The following PRICKLE2 variants were observed in gnomAD, a reference collection of about 807,000 sequenced individuals.
The protein encoded by PRICKLE2 is prickle-like protein 2.
A neutral mutation model predicts 81.4 loss-of-function variants in PRICKLE2; 21 were observed. The ratio of observed to expected loss-of-function variants is 0.26; its 90% confidence interval spans 0.18 to 0.37. The LOEUF (loss-of-function observed/expected upper bound fraction) is 0.37, where lower values mean the gene tolerates loss of function less well. Among genes scored for constraint, PRICKLE2 ranks in the 10% least tolerant of loss-of-function variants. The pLI is 1.00. For synonymous variants in PRICKLE2, 456 were observed against 421.5 expected (o/e 1.08, Z -1.00); for missense variants, 940 against 1,109.0 (o/e 0.85, Z 2.16).
intron 2 of PRICKLE2, among the ~76,000 whole-genome samples, chr3:64,166,001 TG>T (rs1559552041): frequency 6.4e-4 from 65 of 101,404 alleles, no homozygotes; most frequent in African/African-American, 9.8e-4. Flanking sequence ...TGTGTGTGTG[TG>T]TGTGTGTGTG....
At position 64,180,541 on chromosome 3, in the gene PRICKLE2, A is replaced by ATT. The variant is rs4018890; in HGVS notation, c.145-17414_145-17413dup. On this transcript the variant is annotated intron_variant, in intron 2 of 7. Coordinates refer to ENST00000638394, the MANE Select transcript of PRICKLE2 (RefSeq NM_198859.4). ...CTACAAATTTGACAATTTGAGAATGATTTTTTTTTTTAATAAAGTCTCACT... is the reference window on the plus strand; with the variant it reads ...CTACAAATTTGACAATTTGAGAATGATTTTTTTTTTTTTAATAAAGTCTCACT... 6.4e-3 allele frequency among the ~76,000 whole-genome samples: 964 copies of ATT among 149,536 alleles called. 8 individuals are homozygous for ATT. The highest frequency in any genetic ancestry group is 0.012 in the African/African-American group (487 of 40,762).
intron 2 of PRICKLE2, among the ~76,000 whole-genome samples, chr3:64,191,921 C>A (rs923309391): frequency 2.0e-5 from 3 of 152,158 alleles, no homozygotes; most frequent in Non-Finnish European, 2.9e-5. Context: ...TTCTGCCAGA[C>A]CCACTGCTCC....
chr3:64,233,482 A>C (rs2079135345), intron 2 of PRICKLE2, among the ~76,000 whole-genome samples: 1 of 152,182 alleles, frequency 6.6e-6, no homozygotes, highest in East Asian at 1.9e-4. Flanking sequence ...CATGCCAGGC[A>C]CATGTGTGCC....
At chr3:64,193,783 G>C (rs1007888611) in intron 2 of PRICKLE2, among the ~76,000 whole-genome samples, 1 of 152,100 alleles carries the variant, frequency 6.6e-6, no homozygotes, top group African/African-American at 2.4e-5. Context: ...ACTATAAGGA[G>C]GAGTTTTCCT....
At chr3:64,189,296 G>T in intron 2 of PRICKLE2, among the ~76,000 whole-genome samples, 1 of 152,174 alleles carries the variant, frequency 6.6e-6, no homozygotes, top group Non-Finnish European at 1.5e-5. Context: ...GAAACTGGAG[G>T]TGGGGAAAAG....
intron 2 of PRICKLE2, among the ~76,000 whole-genome samples, chr3:64,187,255 C>T (rs1301540776): frequency 6.6e-6 from 1 of 152,202 alleles, no homozygotes; most frequent in African/African-American, 2.4e-5. Flanking sequence ...GTGAAAGCTG[C>T]ACACACAGGC....
At chr3:64,207,279 A>G (rs2078703503) in intron 1 of PRICKLE2, among the ~76,000 whole-genome samples, 1 of 152,206 alleles carries the variant, frequency 6.6e-6, no homozygotes, top group African/African-American at 2.4e-5. Context: ...TTACTTCCTT[A>G]TCCTTAAAAA....
At chr3:64,171,709 G>A (rs150793028) in intron 2 of PRICKLE2, among the ~76,000 whole-genome samples, 1 of 152,188 alleles carries the variant, frequency 6.6e-6, no homozygotes, top group Non-Finnish European at 1.5e-5. Context: ...TACAGCAAGA[G>A]AATAAACAAG....
chr3:64,189,235 T>C (rs981784280), intron 2 of PRICKLE2, among the ~76,000 whole-genome samples: 1 of 152,180 alleles, frequency 6.6e-6, no homozygotes, highest in Admixed American at 6.5e-5. Context: ...AGATTGTCGA[T>C]AGGGAAACAA....
chr3:64,165,173 T>G (rs1050685578), intron 2 of PRICKLE2, among the ~76,000 whole-genome samples: 7 of 152,142 alleles, frequency 4.6e-5, no homozygotes, highest in African/African-American at 1.7e-4. Flanking sequence ...CTCTAATTAC[T>G]CACATACCCC....
At chr3:64,177,831 C>T (rs1245154133) in intron 2 of PRICKLE2, among the ~76,000 whole-genome samples, 3 of 152,122 alleles carry the variant, frequency 2.0e-5, no homozygotes, top group African/African-American at 7.2e-5. Context: ...GTTGTTTTTA[C>T]CTTTTCACTA....
Position 64,163,081 on chromosome 3 carries a change from T to G in PRICKLE2, c.193A>C (p.Asn65His). 6.2e-7 allele frequency: 1 copy of G among 1,613,990 alleles called. No homozygotes were observed. The stretch of plus-strand genomic sequence containing the variant: ...ATTCGCAGTTTCTCTCCAGGACTGT[T>G]GACATAAGGGACTTTCTCTTCTGGG... ...CLPEEKVPYV[N>H]SPGEKLRIKQ... Residue 65 changes from asparagine to histidine, a missense_variant, in exon 3 of 8, where the codon AAC (asparagine) becomes CAC (histidine). Around this residue, in one of 2 missense-constraint regions of PRICKLE2, gnomAD observed 270 missense variants for 391.8 expected, o/e 0.69. Transcript: ENST00000638394.
At chr3:64,196,842 G>A (rs916361518) in intron 2 of PRICKLE2, among the ~76,000 whole-genome samples, 1 of 152,126 alleles carries the variant, frequency 6.6e-6, no homozygotes, top group African/African-American at 2.4e-5. Context: ...AAAAGGAATG[G>A]CCATCACTCA....
chr3:64,123,191 G>T (rs2077053460), intron 7 of PRICKLE2, among the ~76,000 whole-genome samples: 1 of 152,094 alleles, frequency 6.6e-6, no homozygotes, highest in African/African-American at 2.4e-5. Context: ...CTTATTTCTA[G>T]GAATTTATGC....
intron 2 of PRICKLE2, among the ~76,000 whole-genome samples, chr3:64,253,823 G>GA (rs1553662644): frequency 1.3e-5 from 2 of 152,070 alleles, no homozygotes; most frequent in Non-Finnish European, 2.9e-5. Context: ...AGTGACCTTG[G>GA]AAAAAAATCA....
rs760784504 is a variant in PRICKLE2 at position 64,099,040 on chromosome 3, T to A, written c.*11A>T. On this transcript the variant is annotated 3_prime_UTR_variant, in exon 8 of 8. Transcript: ENST00000638394. This position sits in a 1 kb window ranked among gnomAD's most constrained non-coding sequence, Gnocchi z 4.3. The stretch of plus-strand genomic sequence containing the variant: ...GCTCCCATCTTCTCCCATTCCCTGA[T>A]CCCAATCATATTAAGAAATGATACA... The A allele has an allele frequency of 3.1e-6, 5 of 1,614,104 alleles. No homozygotes were observed. Among genetic ancestry groups the A allele is most frequent in the Non-Finnish European group, 4.2e-6 (5 of 1,179,966 alleles).
intron 2 of PRICKLE2, among the ~76,000 whole-genome samples, chr3:64,258,877 G>GAAAT (rs1559608475): frequency 6.9e-6 from 1 of 144,808 alleles, no homozygotes; most frequent in Admixed American, 6.9e-5. Flanking sequence ...AAGAAAGAAA[G>GAAAT]AAAGAAAGAA....
chr3:64,112,524 T>C (rs1298912187), intron 7 of PRICKLE2, among the ~76,000 whole-genome samples: 2 of 152,130 alleles, frequency 1.3e-5, no homozygotes, highest in African/African-American at 4.8e-5. Context: ...TGGATGGGTG[T>C]ATGGTATGAA....
At chr3:64,185,244 G>T (rs902824788) in intron 2 of PRICKLE2, among the ~76,000 whole-genome samples, 30 of 152,100 alleles carry the variant, frequency 2.0e-4, no homozygotes, top group African/African-American at 6.8e-4. Context: ...AGTCAGAAAG[G>T]TTTCTCAGGA....
Sources: gnomAD v4.1 joint callset for allele counts (sites outside exome capture counted in the v4.1 genomes callset) on GRCh38, gnomAD v4.1.1 for gene constraint, gnomAD v4.1.1 regional missense constraint, Gnocchi (gnomAD v3.1) non-coding constraint, MANE v1.5 for transcripts, NCBI Gene and HGNC (gene_info 2026-07-23, HGNC 2026-07-21) for gene names.